C5orf24: variants seen among roughly 807,000 people sequenced by gnomAD.
C5orf24 encodes the protein UPF0461 protein C5orf24.
A neutral mutation model predicts 9.8 loss-of-function variants in C5orf24; 4 were observed. The observed-to-expected ratio is 0.41, with a 90% CI of 0.20 to 0.93. C5orf24 has a LOEUF of 0.93. C5orf24 is among the 40% of genes least tolerant of loss of function. C5orf24 has a pLI of 0.33. For missense variants in C5orf24, 170 were observed against 236.9 expected, an observed-to-expected ratio of 0.72 and a Z score of 1.85; for synonymous variants, 73 against 81.3, an observed-to-expected ratio of 0.90 and a Z score of 0.55.
At chr5:134,846,755 A>T (rs1010072775) in intron 1 of C5orf24, 24 of 152,346 alleles carry the variant, frequency 1.6e-4, no homozygotes, top group African/African-American at 5.5e-4. Context: ...AGCAGGAAGA[A>T]GACAAAGGAG....
chr5:134,851,899 C>T (rs1425092521), intron 1 of C5orf24, among the ~76,000 whole-genome samples: 1 of 152,168 alleles, frequency 6.6e-6, no homozygotes, highest in Non-Finnish European at 1.5e-5. Context: ...CCTTTTTTCT[C>T]ATCTGAAATT....
At chr5:134,843,125 C>T (rs1380318079), upstream of C5orf24, among the ~76,000 whole-genome samples, 2 of 151,684 alleles carry the variant, frequency 1.3e-5, no homozygotes, top group Admixed American at 6.6e-5. Flanking sequence ...TACAGATGTG[C>T]ACCATCACAC....
At chr5:134,851,465 G>A (rs540034461) in intron 1 of C5orf24, among the ~76,000 whole-genome samples, 7 of 145,186 alleles carry the variant, frequency 4.8e-5, no homozygotes, top group Admixed American at 4.4e-4. Flanking sequence ...ATTTGGCAAT[G>A]TCTGGAGAAA....
chr5:134,858,248 ATTCCACTTACTT>A lies in C5orf24; in HGVS notation c.*2785_*2796del, dbSNP rs1756362598. 6.0e-6 allele frequency: 1 copy of A among 167,054 alleles called. No homozygotes were observed. The highest frequency in any genetic ancestry group is 6.5e-5 in the Admixed American group (1 of 15,276). 10.3% of individuals were successfully genotyped at this position (167,054 alleles called of 1,614,324 possible). On this transcript the variant is annotated 3_prime_UTR_variant, in exon 2 of 2. Coordinates refer to ENST00000394976, the MANE Select transcript of C5orf24 (RefSeq NM_001135586.1). ...TCTATGCACTGGTGAGCATCTCCTG[ATTCCACTTACTT>A]TTCTCCCTGTGAACAGTTTACCGGT...
chr5:134,846,471 T>C (rs1331897438), intron 1 of C5orf24: 2 of 152,242 alleles, frequency 1.3e-5, no homozygotes, highest in Non-Finnish European at 2.9e-5. Flanking sequence ...CCCTTCGCCT[T>C]TAAATAAAAG....
rs549565785 is a variant in C5orf24, at chr5:134,856,252, G to A, written c.*785G>A. On this transcript the variant is annotated 3_prime_UTR_variant, in exon 2 of 2. Transcript: ENST00000394976. ...TGAAATATAGTGCATTCTGAGGATA[G>A]CATATTTCATATAATAGAAAAAGAA... 3 of 991,544 alleles carry A rather than the reference G, an allele frequency of 3.0e-6. No individual in the cohort carries two copies. The highest frequency in any genetic ancestry group is 1.1e-4 in the East Asian group (1 of 8,766). 61.4% of individuals were successfully genotyped at this position (991,544 alleles called of 1,614,324 possible). A position where few individuals can be genotyped will look rare whatever the true frequency, so the allele number is the denominator to read the frequency against.
chr5:134,850,269 G>A (rs1018304034), intron 1 of C5orf24, among the ~76,000 whole-genome samples: 7 of 147,474 alleles, frequency 4.7e-5, no homozygotes. Flanking sequence ...CTGCCTCAGC[G>A]TCCTGAGTAG....
In C5orf24 at chr5:134,857,563, C is replaced by A. The variant is rs2150177901; in HGVS notation, c.*2096C>A. On this transcript the variant is annotated 3_prime_UTR_variant, in exon 2 of 2. Coordinates refer to ENST00000394976, the MANE Select transcript of C5orf24 (RefSeq NM_001135586.1). ...TACATAATCAGTTATAACATTCTGGCAGCTAAATTGCTACAAGAGCTTTTT... is the reference window on the plus strand; with the variant it reads ...TACATAATCAGTTATAACATTCTGGAAGCTAAATTGCTACAAGAGCTTTTT... 3.3e-6 allele frequency: 3 copies of A among 895,790 alleles called. No homozygotes were observed. Among genetic ancestry groups the A allele is most frequent in the African/African-American group, 1.7e-5 (1 of 57,920 alleles). 55.5% of individuals were successfully genotyped at this position (895,790 alleles called of 1,614,324 possible).
the C5orf24 span, among the ~76,000 whole-genome samples, chr5:134,839,060 T>C: frequency 6.6e-6 from 1 of 151,818 alleles, no homozygotes; most frequent in African/African-American, 2.4e-5. Context: ...CATACAAAAA[T>C]TGGCCCGGCA....
chr5:134,849,647 CTTTTTTTTTTT>C (rs35375521), intron 1 of C5orf24, among the ~76,000 whole-genome samples: 48 of 76,976 alleles, frequency 6.2e-4, no homozygotes, highest in Non-Finnish European at 7.2e-4. Flanking sequence ...AAGTCAGTGT[CTTTTTTTTTTT>C]TTTTTTTTTT....
upstream of C5orf24, chr5:134,845,744 A>T (rs562036630): frequency 2.0e-5 from 3 of 152,386 alleles, no homozygotes; most frequent in Admixed American, 6.5e-5. Flanking sequence ...ACAAGTAAGG[A>T]AGTTATTAAT....
rs1756346582 is a variant in C5orf24, at chr5:134,857,523, A to G, written c.*2056A>G. On this transcript the variant is annotated 3_prime_UTR_variant, in exon 2 of 2. Coordinates refer to ENST00000394976, the MANE Select transcript of C5orf24 (RefSeq NM_001135586.1). ...ATTAGCTTTGCACAAACCATAGAGA[A>G]CGATGTTGGATGGTTACATAATCAG... 8.1e-7 allele frequency: 1 copy of G among 1,227,936 alleles called. No individual in the cohort carries two copies. The highest frequency in any genetic ancestry group is 3.4e-5 in the Admixed American group (1 of 29,242). The allele number at this position is 1,227,936 out of a possible 1,614,324, so 76.1% of individuals were successfully genotyped here.
the C5orf24 span, among the ~76,000 whole-genome samples, chr5:134,836,957 G>C: frequency 1.3e-5 from 2 of 152,102 alleles, no homozygotes; most frequent in East Asian, 3.9e-4. Context: ...CCTTGGGCTT[G>C]CTTAAATGCT....
chr5:134,850,993 TA>T (rs1315645647), intron 1 of C5orf24, among the ~76,000 whole-genome samples: 4 of 147,224 alleles, frequency 2.7e-5, no homozygotes, highest in African/African-American at 1.0e-4. Context: ...CAGAAATACA[TA>T]TATTTATTTA....
At chr5:134,837,890 G>T in the C5orf24 span, among the ~76,000 whole-genome samples, 2 of 152,162 alleles carry the variant, frequency 1.3e-5, no homozygotes, top group Non-Finnish European at 2.9e-5. Flanking sequence ...ACAGTCAGCT[G>T]TTACTGATAA....
At chr5:134,850,866 A>G (rs1409896730) in intron 1 of C5orf24, among the ~76,000 whole-genome samples, 1 of 151,666 alleles carries the variant, frequency 6.6e-6, no homozygotes, top group East Asian at 1.9e-4. Flanking sequence ...AAAGCCTAAC[A>G]TAATGTAAGC....
In C5orf24 at chr5:134,856,470, A is replaced by G; in HGVS notation, c.*1003A>G. On this transcript the variant is annotated 3_prime_UTR_variant, in exon 2 of 2. Coordinates refer to ENST00000394976, the MANE Select transcript of C5orf24 (RefSeq NM_001135586.1). ...AGCCTGGCCAACATGGTGAAACCCC[A>G]TCTCTACTAAAAATATAAAAATTAG... The G allele has an allele frequency of 2.9e-6, 1 of 339,566 alleles. No individual in the cohort carries two copies. Among genetic ancestry groups the G allele is most frequent in the Non-Finnish European group, 4.4e-6 (1 of 227,388 alleles). 21.0% of individuals were successfully genotyped at this position (339,566 alleles called of 1,614,324 possible). A position where few individuals can be genotyped will look rare whatever the true frequency, so the allele number is the denominator to read the frequency against.
the C5orf24 span, among the ~76,000 whole-genome samples, chr5:134,834,529 G>C: frequency 3.3e-5 from 5 of 152,200 alleles, no homozygotes; most frequent in African/African-American, 9.6e-5. Flanking sequence ...CTGTGGCACA[G>C]GATTTGGAAA....
upstream of C5orf24, among the ~76,000 whole-genome samples, chr5:134,843,401 T>C (rs1755929171): frequency 6.6e-6 from 1 of 152,346 alleles, no homozygotes; most frequent in African/African-American, 2.4e-5. Context: ...TAGAATAGTA[T>C]AATGAACATC....
Sources: allele counts gnomAD v4.1 joint callset (sites outside exome capture counted in the v4.1 genomes callset), GRCh38; gene constraint gnomAD v4.1.1; transcripts MANE v1.5; gene names NCBI Gene and HGNC (gene_info 2026-07-23, HGNC 2026-07-21).